HS6ST3: variants seen among roughly 807,000 people sequenced by gnomAD.
HS6ST3 encodes heparan sulfate 6-O-sulfotransferase 3.
In HS6ST3, 12 loss-of-function variants were observed where a neutral mutation model predicts 36.7. The ratio of observed to expected loss-of-function variants is 0.33; its 90% CI spans 0.21 to 0.53. HS6ST3 has a LOEUF of 0.53. Among genes scored for constraint, HS6ST3 ranks in the 20% least tolerant of loss-of-function variants. HS6ST3 has a pLI of 0.95. For missense variants in HS6ST3, 584 were observed against 640.9 expected (o/e 0.91, Z 0.96); for synonymous variants, 240 against 257.5 (o/e 0.93, Z 0.65).
At chr13:96,258,547 C>T (rs1189769982) in intron 1 of HS6ST3, among the ~76,000 whole-genome samples, 1 of 152,020 alleles carries the variant, frequency 6.6e-6, no homozygotes, top group Non-Finnish European at 1.5e-5. Flanking sequence ...ATTGGCAGCC[C>T]CTCATACAGT....
At chr13:96,251,808 A>AC (rs1398061884) in intron 1 of HS6ST3, among the ~76,000 whole-genome samples, 2 of 151,872 alleles carry the variant, frequency 1.3e-5, no homozygotes, top group African/African-American at 4.8e-5. Context: ...TTTTTCTTTG[A>AC]CCCATTATTT....
chr13:96,445,398 T>G (rs998150262), intron 1 of HS6ST3, among the ~76,000 whole-genome samples: 1 of 152,120 alleles, frequency 6.6e-6, no homozygotes, highest in African/African-American at 2.4e-5. Context: ...AAAAGTAGTT[T>G]GAAGTCTTAT....
intron 1 of HS6ST3, among the ~76,000 whole-genome samples, chr13:96,563,418 C>T (rs914226416): frequency 1.1e-4 from 16 of 152,050 alleles, no homozygotes; most frequent in African/African-American, 3.1e-4. Flanking sequence ...TTGGACAGTT[C>T]TTATTATTTT....
intron 1 of HS6ST3, among the ~76,000 whole-genome samples, chr13:96,382,768 T>G (rs958281713): frequency 2.0e-5 from 3 of 152,182 alleles, no homozygotes; most frequent in African/African-American, 4.8e-5. Context: ...ATGTCAATAT[T>G]TGCATCTGAA....
chr13:96,546,730 G>A (rs562523972), intron 1 of HS6ST3, among the ~76,000 whole-genome samples: 9 of 152,106 alleles, frequency 5.9e-5, no homozygotes, highest in African/African-American at 1.7e-4. Flanking sequence ...ATGTAAGAGC[G>A]CAAGACAGGA....
chr13:96,268,182 A>G (rs187442672), intron 1 of HS6ST3, among the ~76,000 whole-genome samples: 14 of 151,946 alleles, frequency 9.2e-5, no homozygotes, highest in Admixed American at 9.2e-4. Context: ...AATTTTGGGG[A>G]AACACAATTT....
At chr13:96,248,795 A>G (rs1168469175) in intron 1 of HS6ST3, among the ~76,000 whole-genome samples, 1 of 152,212 alleles carries the variant, frequency 6.6e-6, no homozygotes, top group African/African-American at 2.4e-5. Flanking sequence ...AGTATTTTTT[A>G]AATTTAATTC....
chr13:96,738,978 C>G (rs1054122713), intron 1 of HS6ST3, among the ~76,000 whole-genome samples: 1 of 152,178 alleles, frequency 6.6e-6, no homozygotes, highest in Non-Finnish European at 1.5e-5. Context: ...CTCTTCTCGT[C>G]AATATAACCA....
chr13:96,549,536 A>G (rs2056210817), intron 1 of HS6ST3, among the ~76,000 whole-genome samples: 1 of 152,196 alleles, frequency 6.6e-6, no homozygotes, highest in Admixed American at 6.6e-5. Context: ...AAATACTAAT[A>G]TTTAAAGTGA....
At chr13:96,718,643 G>C (rs1875765267) in intron 1 of HS6ST3, among the ~76,000 whole-genome samples, 3 of 152,144 alleles carry the variant, frequency 2.0e-5, no homozygotes, top group African/African-American at 7.2e-5. Context: ...TACCACTTTA[G>C]TAAGTTTTAT....
At chr13:96,521,428 C>G (rs1566385547) in intron 1 of HS6ST3, among the ~76,000 whole-genome samples, 1 of 152,174 alleles carries the variant, frequency 6.6e-6, no homozygotes, top group Non-Finnish European at 1.5e-5. Context: ...AGGAATGGTA[C>G]CAGCTCCTCT....
intron 1 of HS6ST3, among the ~76,000 whole-genome samples, chr13:96,806,315 G>A (rs1227593374): frequency 6.6e-6 from 1 of 152,082 alleles, no homozygotes; most frequent in Non-Finnish European, 1.5e-5. Context: ...AATTTTATTG[G>A]GCATGTGCCA....
chr13:96,346,212 G>A (rs960813787), intron 1 of HS6ST3, among the ~76,000 whole-genome samples: 4 of 152,130 alleles, frequency 2.6e-5, no homozygotes, highest in Admixed American at 6.6e-5. Context: ...AAGTATATCT[G>A]ATTACTTATC....
intron 1 of HS6ST3, among the ~76,000 whole-genome samples, chr13:96,228,068 T>G (rs2054489733): frequency 6.6e-6 from 1 of 152,212 alleles, no homozygotes; most frequent in Admixed American, 6.5e-5. Flanking sequence ...CTCAGCCTTC[T>G]AATAAAGGAT....
intron 1 of HS6ST3, among the ~76,000 whole-genome samples, chr13:96,344,116 TA>T (rs1375669834): frequency 2.6e-5 from 4 of 152,208 alleles, no homozygotes; most frequent in Non-Finnish European, 5.9e-5. Flanking sequence ...CTATATGGTG[TA>T]TATTATATAG....
At chr13:96,263,065 A>G (rs921546152) in intron 1 of HS6ST3, among the ~76,000 whole-genome samples, 2 of 152,204 alleles carry the variant, frequency 1.3e-5, no homozygotes, top group Non-Finnish European at 2.9e-5. Context: ...ATTTGAAATT[A>G]GGTAGATGTC....
At chr13:96,142,374 A>G (rs2054036196) in intron 1 of HS6ST3, among the ~76,000 whole-genome samples, 1 of 152,198 alleles carries the variant, frequency 6.6e-6, no homozygotes, top group Non-Finnish European at 1.5e-5. Context: ...CTCCTGGAAA[A>G]CACTTTTCCC....
chr13:96,683,018 G>A (rs1343894634), intron 1 of HS6ST3, among the ~76,000 whole-genome samples: 1 of 152,090 alleles, frequency 6.6e-6, no homozygotes, highest in Non-Finnish European at 1.5e-5. Flanking sequence ...GGTATTTCAT[G>A]AAGGTTTGTT....
chr13:96,187,298 C>T (rs1334608033), intron 1 of HS6ST3, among the ~76,000 whole-genome samples: 3 of 152,222 alleles, frequency 2.0e-5, no homozygotes, highest in Non-Finnish European at 4.4e-5. Context: ...ATACCACTTC[C>T]AAGCTGATCA....
Sources: allele counts gnomAD v4.1 joint callset (sites outside exome capture counted in the v4.1 genomes callset), GRCh38; gene constraint gnomAD v4.1.1; transcripts MANE v1.5; gene names NCBI Gene and HGNC (gene_info 2026-07-23, HGNC 2026-07-21).